The following PALS2 variants were observed in gnomAD, a reference collection of about 807,000 sequenced individuals.
PALS2 encodes the protein protein associated with LIN7 2, MAGUK p55 family member.
PALS2 carries 27 observed loss-of-function variants against 61.6 expected under a neutral mutation model. The ratio of observed to expected loss-of-function variants is 0.44; its 90% CI spans 0.32 to 0.60. The LOEUF (loss-of-function observed/expected upper bound fraction) is 0.60, where lower values mean the gene tolerates loss of function less well. Among genes scored for constraint, PALS2 ranks in the 20% least tolerant of loss-of-function variants. The pLI, the probability that PALS2 is intolerant of heterozygous loss-of-function variation, is 0.05. For synonymous variants in PALS2, 236 were observed against 218.6 expected (o/e 1.08, Z -0.70); for missense variants, 554 against 639.4 (o/e 0.87, Z 1.44).
intron 1 of PALS2, among the ~76,000 whole-genome samples, chr7:24,604,138 T>C (rs1011852959): frequency 1.7e-4 from 25 of 148,276 alleles, no homozygotes; most frequent in African/African-American, 6.3e-4. Flanking sequence ...TTGAGCCCGG[T>C]AGTTCAAGAC....
intron 9 of PALS2, among the ~76,000 whole-genome samples, chr7:24,671,875 C>T (rs1415718340): frequency 6.6e-6 from 1 of 151,752 alleles, no homozygotes; most frequent in East Asian, 2.0e-4. Context: ...ATTTATAAAC[C>T]CTCAGTTCTG....
At position 24,598,099 on chromosome 7, in the gene PALS2, A is replaced by G. The variant is rs146810882; in HGVS notation, c.-3+24506A>G. 2.5e-3 allele frequency among the ~76,000 whole-genome samples: 388 copies of G among 152,286 alleles called. 1 individual carries two copies. Among genetic ancestry groups the G allele is most frequent in the Middle Eastern group, 0.01 (3 of 294 alleles). ...ATATTGAAATGTGTGCAGGCAAGCT[A>G]TTGCTAGGCCACTGGGGAGATCTTT... On this transcript the variant is annotated intron_variant, in intron 1 of 11. Transcript: ENST00000222644.
rs372749543 is a variant in PALS2, at chr7:24,626,993, T to G, written c.117+3209T>G. 2.3e-3 allele frequency among the ~76,000 whole-genome samples: 355 copies of G among 152,250 alleles called. 1 individual carries two copies. The highest frequency in any genetic ancestry group is 8.1e-3 in the African/African-American group (336 of 41,556). On this transcript the variant is annotated intron_variant, in intron 2 of 11. Coordinates refer to ENST00000222644, the MANE Select transcript of PALS2 (RefSeq NM_001303037.2). ...GAAAATTAACAAGGATATTCAGAAT[T>G]TGAACTTAGCTTTGGACCAAGTGGA...
intron 1 of PALS2, among the ~76,000 whole-genome samples, chr7:24,595,748 G>T (rs1019717166): frequency 3.3e-5 from 5 of 151,040 alleles, no homozygotes; most frequent in African/African-American, 1.2e-4. Context: ...AGAGTGACAA[G>T]ACTGTATGTA....
intron 5 of PALS2, among the ~76,000 whole-genome samples, chr7:24,661,983 C>T (rs6942812): frequency 0.21 from 31,323 of 151,946 alleles, 4,535 homozygotes; most frequent in East Asian, 0.66. Context: ...GGTTTTTTCC[C>T]GTTGTCAAAA....
intron 2 of PALS2, among the ~76,000 whole-genome samples, chr7:24,625,375 T>G (rs901942561): frequency 2.0e-5 from 3 of 152,100 alleles, no homozygotes; most frequent in Non-Finnish European, 2.9e-5. Flanking sequence ...GTTTATAGTT[T>G]GCAAAGGTCT....
intron 1 of PALS2, among the ~76,000 whole-genome samples, chr7:24,613,022 A>C (rs949673373): frequency 6.6e-6 from 1 of 151,780 alleles, no homozygotes; most frequent in African/African-American, 2.4e-5. Flanking sequence ...TTTGAATTCT[A>C]TCTGATATAT....
intron 8 of PALS2, among the ~76,000 whole-genome samples, chr7:24,667,416 C>A (rs898821670): frequency 1.6e-4 from 25 of 151,998 alleles, no homozygotes; most frequent in Admixed American, 1.6e-3. Flanking sequence ...GTTGATTTGC[C>A]ATACAATATT....
At chr7:24,605,674 C>T (rs544019783) in intron 1 of PALS2, among the ~76,000 whole-genome samples, 2 of 151,982 alleles carry the variant, frequency 1.3e-5, no homozygotes, top group African/African-American at 4.8e-5. Context: ...TGCATTACCC[C>T]TAGGGAAAGA....
chr7:24,626,167 TAATC>T (rs1029313559), intron 2 of PALS2, among the ~76,000 whole-genome samples: 5 of 151,990 alleles, frequency 3.3e-5, no homozygotes, highest in East Asian at 1.9e-4. Flanking sequence ...GAATAAAAAA[TAATC>T]AAATGAACAT....
At chr7:24,607,125 C>A (rs1168935033) in intron 1 of PALS2, among the ~76,000 whole-genome samples, 1 of 151,972 alleles carries the variant, frequency 6.6e-6, no homozygotes, top group African/African-American at 2.4e-5. Context: ...GTATCAATGT[C>A]ATTTATATTT....
chr7:24,607,804 A>G (rs1018893656), intron 1 of PALS2, among the ~76,000 whole-genome samples: 8 of 152,028 alleles, frequency 5.3e-5, no homozygotes, highest in African/African-American at 9.7e-5. Flanking sequence ...CATGCATACA[A>G]TGAAGTACTA....
chr7:24,649,592 G>T lies in PALS2; in HGVS notation c.271-20G>T. 1.3e-6 allele frequency: 2 copies of T among 1,527,840 alleles called. No individual in the cohort carries two copies. The highest frequency in any genetic ancestry group is 1.8e-6 in the Non-Finnish European group (2 of 1,139,494). 94.6% of individuals were successfully genotyped at this position (1,527,840 alleles called of 1,614,324 possible). ...ATCCACATATCATAAATAACCACAG[G>T]CTATTTTGACTCCTTATAGTCACTG... On this transcript the variant is annotated intron_variant, in intron 3 of 11. Coordinates refer to ENST00000222644, the MANE Select transcript of PALS2 (RefSeq NM_001303037.2).
chr7:24,644,128 TA>T (rs1478688225), intron 3 of PALS2, among the ~76,000 whole-genome samples: 1 of 151,370 alleles, frequency 6.6e-6, no homozygotes, highest in Non-Finnish European at 1.5e-5. Context: ...GTTTTAGGAT[TA>T]GGGGTACATG....
intron 1 of PALS2, among the ~76,000 whole-genome samples, chr7:24,615,287 T>A (rs1317636833): frequency 6.6e-6 from 1 of 151,360 alleles, no homozygotes; most frequent in Non-Finnish European, 1.5e-5. Context: ...ATAATAAGGA[T>A]CAGAGCAGAA....
At chr7:24,586,230 A>T (rs1783060567) in intron 1 of PALS2, among the ~76,000 whole-genome samples, 1 of 151,994 alleles carries the variant, frequency 6.6e-6, no homozygotes, top group Non-Finnish European at 1.5e-5. Flanking sequence ...CATATATTTT[A>T]TTTAGCCATA....
chr7:24,632,234 C>T (rs1483401327), intron 2 of PALS2, among the ~76,000 whole-genome samples: 1 of 152,148 alleles, frequency 6.6e-6, no homozygotes, highest in East Asian at 1.9e-4. Flanking sequence ...GATCTGAAGT[C>T]TGCCCTGTCT....
chr7:24,596,743 C>G lies in PALS2; in HGVS notation c.-3+23150C>G, dbSNP rs1783539421. ...GGACTCTCCGTATATCTAGCTTTCT[C>G]CTGTGTGAGCACTACACTTTAACAA... On this transcript the variant is annotated intron_variant, in intron 1 of 11. Coordinates refer to ENST00000222644, the MANE Select transcript of PALS2 (RefSeq NM_001303037.2). This position sits in a 1 kb window ranked among gnomAD's most constrained non-coding sequence, Gnocchi z 4.5. Among the ~76,000 whole-genome samples the G allele has an allele frequency of 1.3e-5, 2 of 152,138 alleles. No homozygotes were observed. The highest frequency in any genetic ancestry group is 4.1e-4 in the South Asian group (2 of 4,826).
intron 5 of PALS2, among the ~76,000 whole-genome samples, chr7:24,652,671 G>A (rs1786218612): frequency 6.6e-6 from 1 of 152,010 alleles, no homozygotes; most frequent in African/African-American, 2.4e-5. Flanking sequence ...CAAACCATGG[G>A]CATCCTACTG....
Sources: gnomAD v4.1 joint callset for allele counts (sites outside exome capture counted in the v4.1 genomes callset) on GRCh38, gnomAD v4.1.1 for gene constraint, Gnocchi (gnomAD v3.1) non-coding constraint, MANE v1.5 for transcripts, NCBI Gene and HGNC (gene_info 2026-07-23, HGNC 2026-07-21) for gene names.